The following BRF1 variants were observed in gnomAD, a reference collection of about 807,000 sequenced individuals.
BRF1 encodes the protein BRF1 general transcription factor IIIB subunit, also known as transcription factor IIIB 90 kDa subunit.
In BRF1, 59 loss-of-function variants were observed where a neutral mutation model predicts 81.7. That is an observed-to-expected ratio of 0.72 (90% CI 0.59 to 0.90). BRF1 has a LOEUF of 0.90. BRF1 is among the 40% of genes least tolerant of loss of function. The probability of loss-of-function intolerance (pLI) is 0.00; values close to 1 mark genes in which losing one functional copy is unlikely to be tolerated. For synonymous variants in BRF1, 491 were observed against 395.6 expected (o/e 1.24, Z -2.86); for missense variants, 1,050 against 936.3 (o/e 1.12, Z -1.58).
In BRF1 at chr14:105,217,675, G is replaced by A. The variant is rs755637709; in HGVS notation, c.1641C>T (p.Ser547=). Residue 547 remains serine (S), a synonymous_variant, in exon 15 of 18, where the codon AGC becomes AGT. Transcript: ENST00000547530. ...TGTGCGGACTGCCCCCGCCGGCGCT[G>A]CTGAGGCCCCGGAGCACGCTATAAT... is the stretch of plus-strand genomic sequence containing the variant. ...KINYSVLRGL[S]SAGGGSPHRE... The A allele has an allele frequency of 2.5e-6, 4 of 1,613,360 alleles. No individual in the cohort carries two copies. The highest frequency in any genetic ancestry group is 1.3e-5 in the African/African-American group (1 of 75,060).
intron 3 of BRF1, among the ~76,000 whole-genome samples, chr14:105,258,095 A>G (rs587609250): frequency 6.6e-6 from 1 of 152,350 alleles, no homozygotes; most frequent in Non-Finnish European, 1.5e-5. Flanking sequence ...CAGCTAACAC[A>G]AGATGTTAAT....
chr14:105,219,383 C>T (rs1891879900), intron 12 of BRF1, 151 bp from the exon 13 acceptor site: 2 of 1,455,162 alleles, frequency 1.4e-6, no homozygotes, highest in Non-Finnish European at 1.8e-6. Context: ...GCTGAGGCCT[C>T]ATCGCGCGGG....
chr14:105,229,667 G>A (rs1490963474), intron 6 of BRF1, among the ~76,000 whole-genome samples: 5 of 149,824 alleles, frequency 3.3e-5, no homozygotes, highest in African/African-American at 7.4e-5. Flanking sequence ...GCAGCCCCGT[G>A]GCACCCTCAG....
At chr14:105,256,491 G>A in intron 4 of BRF1, 27 bp downstream of exon 4, 1 of 1,614,162 alleles carries the variant, frequency 6.2e-7, no homozygotes, top group Non-Finnish European at 8.5e-7. Context: ...CCCAGGTGGG[G>A]AAAGATGCAG....
At chr14:105,305,094 G>T (rs1230296016), upstream of BRF1, among the ~76,000 whole-genome samples, 1 of 152,130 alleles carries the variant, frequency 6.6e-6, no homozygotes, top group African/African-American at 2.4e-5. Flanking sequence ...TCATGAGCGG[G>T]ATTAATGCCC....
At chr14:105,222,154 C>T (rs762036381) in intron 10 of BRF1, 9 of 457,436 alleles carry the variant, frequency 2.0e-5, no homozygotes, top group Admixed American at 4.5e-5. Flanking sequence ...CAGACAAAAA[C>T]GTAAAAGAAA....
At chr14:105,302,915 G>A (rs971807943), upstream of BRF1, among the ~76,000 whole-genome samples, 2 of 151,670 alleles carry the variant, frequency 1.3e-5, no homozygotes, top group African/African-American at 4.9e-5. Flanking sequence ...ACAGGCATGA[G>A]CCACTGCTCC....
chr14:105,298,034 TG>T (rs1566875988), intron 1 of BRF1, among the ~76,000 whole-genome samples: 1 of 152,204 alleles, frequency 6.6e-6, no homozygotes, highest in East Asian at 1.9e-4. Context: ...CTCCAAAACA[TG>T]AAACTTTTTG....
intron 3 of BRF1, among the ~76,000 whole-genome samples, chr14:105,260,156 AC>A (rs1471540142): frequency 2.0e-5 from 3 of 152,166 alleles, no homozygotes; most frequent in African/African-American, 7.2e-5. Flanking sequence ...CTTTAAGCCA[AC>A]TTTACCTTCA....
intron 1 of BRF1, among the ~76,000 whole-genome samples, chr14:105,289,059 A>G (rs1485938640): frequency 6.7e-6 from 1 of 149,994 alleles, no homozygotes; most frequent in African/African-American, 2.4e-5. Context: ...AAAAGAAGCT[A>G]GAACAGGCCA....
intron 2 of BRF1, among the ~76,000 whole-genome samples, chr14:105,281,064 A>ATACAGCCTGCGTGACCCTGAGCCCG (rs2057072035): frequency 1.4e-5 from 1 of 69,006 alleles, no homozygotes; most frequent in African/African-American, 5.5e-5. Context: ...CCCTGAGCCC[A>ATACAGCCTGCGTGACCCTGAGCCCG]GGTGTGCGGA....
chr14:105,314,026 G>A (rs990733282), intron 1 of BRF1, among the ~76,000 whole-genome samples: 2 of 152,278 alleles, frequency 1.3e-5, no homozygotes, highest in Non-Finnish European at 2.9e-5. Context: ...CGCTGAATAA[G>A]GATGCTGGGA....
At chr14:105,215,946 GAC>G (rs1368697701) in intron 15 of BRF1, among the ~76,000 whole-genome samples, 34 of 102,356 alleles carry the variant, frequency 3.3e-4, no homozygotes, top group East Asian at 6.3e-4. Context: ...TGCATACACA[GAC>G]ACAGGCACAC....
intron 1 of BRF1, among the ~76,000 whole-genome samples, chr14:105,287,062 GC>G (rs1357120316): frequency 6.6e-6 from 1 of 152,210 alleles, no homozygotes; most frequent in Non-Finnish European, 1.5e-5. Flanking sequence ...TCTGCAGAAG[GC>G]CCCCACGCCT....
chr14:105,242,768 AC>A (rs2054783120), intron 5 of BRF1, among the ~76,000 whole-genome samples: 1 of 141,120 alleles, frequency 7.1e-6, no homozygotes, highest in African/African-American at 2.6e-5. Context: ...AAAAAAAGAT[AC>A]GCTTATAGAC....
intron 5 of BRF1, chr14:105,242,004 A>G: frequency 6.4e-6 from 1 of 156,222 alleles, no homozygotes; most frequent in Admixed American, 6.1e-5. Flanking sequence ...CTGGGCCCTG[A>G]GCGACTGCAT....
intron 5 of BRF1, among the ~76,000 whole-genome samples, chr14:105,246,697 T>G (rs1170315265): frequency 6.6e-6 from 1 of 151,512 alleles, no homozygotes; most frequent in African/African-American, 2.4e-5. Flanking sequence ...CCTCAAGTGA[T>G]CCGCCCACCT....
At chr14:105,299,453 T>C (rs2057890643) in intron 1 of BRF1, among the ~76,000 whole-genome samples, 1 of 152,058 alleles carries the variant, frequency 6.6e-6, no homozygotes, top group Non-Finnish European at 1.5e-5. Context: ...CATGCACCTG[T>C]AGTCTCAGCT....
chr14:105,248,893 C>T, intron 5 of BRF1: 1 of 987,864 alleles, frequency 1.0e-6, no homozygotes, highest in Non-Finnish European at 1.2e-6. Flanking sequence ...CTCTACGCTC[C>T]CGCCAGCGCC....
Sources: allele counts gnomAD v4.1 joint callset (sites outside exome capture counted in the v4.1 genomes callset), GRCh38; gene constraint gnomAD v4.1.1; transcripts MANE v1.5; gene names NCBI Gene and HGNC (gene_info 2026-07-23, HGNC 2026-07-21).